Variants in XPO6 observed in about 807,000 individuals in gnomAD.
XPO6 encodes the protein exportin 6.
Under a neutral mutation model 130.0 loss-of-function variants are expected in XPO6, and 3 were observed. That is an observed-to-expected ratio of 0.02 (90% CI 0.01 to 0.06). The LOEUF (loss-of-function observed/expected upper bound fraction) is 0.06. Among genes scored for constraint, XPO6 ranks in the 10% least tolerant of loss-of-function variants. The pLI is 1.00. For missense variants in XPO6, 970 were observed against 1,393.0 expected (o/e 0.70, Z 4.83); for synonymous variants, 524 against 548.9 (o/e 0.95, Z 0.63).
chr16:28,123,187 A>G (rs980368592), intron 13 of XPO6, among the ~76,000 whole-genome samples: 8 of 152,072 alleles, frequency 5.3e-5, no homozygotes, highest in Non-Finnish European at 1.2e-4. Context: ...ACTGCAGCCT[A>G]GACTTCTGGG....
At chr16:28,169,601 TG>T in intron 5 of XPO6, 148 bp downstream of exon 5, 1 of 922,736 alleles carries the variant, frequency 1.1e-6, no homozygotes, top group Non-Finnish European at 1.6e-6. Context: ...TGCTAGACCC[TG>T]GGCTATAGGT....
chr16:28,135,266 A>G lies in XPO6; in HGVS notation c.1393T>C (p.Tyr465His). 2.5e-6 allele frequency: 4 copies of G among 1,614,038 alleles called. No individual in the cohort carries two copies. Among genetic ancestry groups the G allele is most frequent in the Non-Finnish European group, 3.4e-6 (4 of 1,179,942 alleles). Residue 465 changes from tyrosine to histidine, a missense_variant, in exon 10 of 24, where the codon TAC becomes CAC. By Grantham distance (83) the Tyr-to-His change is moderately conservative. This residue lies in a region of XPO6 where 936 missense variants were observed against 1,306.8 expected (regional missense o/e 0.72). Coordinates refer to ENST00000304658, the MANE Select transcript of XPO6 (RefSeq NM_015171.4). ...TEVLNRIQFR[Y>H]NQAQLEELDD... ...AACTCCTCCAGCTGGGCTTGGTTGT[A>G]TCTGAACTGGATTCGATTCAACACC... is the stretch of plus-strand genomic sequence containing the variant.
Position 28,127,926 on chromosome 16 carries a change from T to C in XPO6, c.1607-2078A>G, listed in dbSNP as rs1432946094. On this transcript the variant is annotated intron_variant, in intron 12 of 23. Transcript: ENST00000304658. ...GCAGTGCCCTGGCGCAGAAACAAGA[T>C]GGCAGCCCTGAAGAGGCTGTGGGTG... 2.0e-5 allele frequency among the ~76,000 whole-genome samples: 3 copies of C among 152,186 alleles called. No individual in the cohort carries two copies. In the South Asian group the frequency reaches 6.2e-4, roughly 31 times the overall value.
At chr16:28,139,512 A>G (rs1304278146) in intron 9 of XPO6, among the ~76,000 whole-genome samples, 1 of 152,196 alleles carries the variant, frequency 6.6e-6, no homozygotes, top group Admixed American at 6.5e-5. Flanking sequence ...AATCTAATAG[A>G]CTACTTCTTT....
intron 9 of XPO6, among the ~76,000 whole-genome samples, chr16:28,145,022 T>C (rs1389311679): frequency 6.6e-6 from 1 of 152,124 alleles, no homozygotes; most frequent in Non-Finnish European, 1.5e-5. Flanking sequence ...TGCAAAGAAG[T>C]AGGAGCTATA....
chr16:28,137,790 G>C (rs1013125291), intron 9 of XPO6, among the ~76,000 whole-genome samples: 1 of 152,076 alleles, frequency 6.6e-6, no homozygotes, highest in Non-Finnish European at 1.5e-5. Flanking sequence ...GTGATGCTGA[G>C]GTTTGAGGTA....
chr16:28,202,417 C>T (rs2043967996), intron 1 of XPO6, among the ~76,000 whole-genome samples: 6 of 152,124 alleles, frequency 3.9e-5, no homozygotes, highest in Admixed American at 3.3e-4. Flanking sequence ...CAGAGGGACG[C>T]AGAACCTGGA....
intron 1 of XPO6, among the ~76,000 whole-genome samples, chr16:28,188,347 T>C (rs1317945210): frequency 6.6e-6 from 1 of 152,184 alleles, no homozygotes; most frequent in East Asian, 1.9e-4. Flanking sequence ...GGGTCTCCTA[T>C]ATTCAGGTTC....
intron 6 of XPO6, among the ~76,000 whole-genome samples, chr16:28,160,360 C>T (rs1411276220): frequency 1.3e-5 from 2 of 151,230 alleles, no homozygotes; most frequent in African/African-American, 2.4e-5. Flanking sequence ...AAAACTTAGC[C>T]GGGCATGGCA....
rs1218421877 is a variant in XPO6 at position 28,156,286 on chromosome 16, G to A, written c.885C>T (p.Ser295=). ...CCTGACCCGAGACACAGTTCTGGCTGCTGCCGTTAACTGACGCCATCTTTC... is the reference window on the plus strand; with the variant it reads ...CCTGACCCGAGACACAGTTCTGGCTACTGCCGTTAACTGACGCCATCTTTC... The part of the protein sequence containing the change: ...RARKMASVNG[S]SQNCVSGQER... Residue 295 remains serine, a synonymous_variant, in exon 7 of 24, where the codon AGC becomes AGT. Transcript: ENST00000304658. 6.2e-7 allele frequency: 1 copy of A among 1,614,160 alleles called. No homozygotes were observed. Among genetic ancestry groups the A allele is most frequent in the African/African-American group, 1.3e-5 (1 of 75,022 alleles).
intron 1 of XPO6, among the ~76,000 whole-genome samples, chr16:28,187,772 GAA>G (rs2043718485): frequency 6.6e-6 from 1 of 150,832 alleles, no homozygotes; most frequent in Non-Finnish European, 1.5e-5. Context: ...AAAGGAACAA[GAA>G]AACTGTTGGT....
chr16:28,136,278 G>A (rs1194732986), intron 9 of XPO6, among the ~76,000 whole-genome samples: 1 of 152,102 alleles, frequency 6.6e-6, no homozygotes, highest in African/African-American at 2.4e-5. Context: ...GAAGTGCAAC[G>A]GCGCAATCTT....
intron 1 of XPO6, chr16:28,209,220 G>C (rs951776563): frequency 1.3e-5 from 2 of 152,178 alleles, no homozygotes; most frequent in Non-Finnish European, 2.9e-5. Flanking sequence ...AACCTTTGGA[G>C]ATATATGGTG....
At chr16:28,172,067 C>T (rs972755342) in intron 4 of XPO6, among the ~76,000 whole-genome samples, 48 of 152,118 alleles carry the variant, frequency 3.2e-4, no homozygotes, top group Admixed American at 3.0e-3. Context: ...AAATCCCCTA[C>T]GATATGGAAA....
intron 13 of XPO6, among the ~76,000 whole-genome samples, chr16:28,123,263 A>G (rs2087292001): frequency 6.6e-6 from 1 of 151,838 alleles, no homozygotes; most frequent in Non-Finnish European, 1.5e-5. Context: ...ATGCCACCAC[A>G]CCCAGCTAAA....
intron 2 of XPO6, among the ~76,000 whole-genome samples, chr16:28,178,749 T>TAAAAC (rs1247901326): frequency 8.0e-6 from 1 of 124,880 alleles, no homozygotes; most frequent in Non-Finnish European, 1.7e-5. Flanking sequence ...TCCTATCTCT[T>TAAAAC]AAAACAAAAC....
chr16:28,153,144 T>C (rs1454435997), intron 7 of XPO6: 2 of 1,015,120 alleles, frequency 2.0e-6, no homozygotes, highest in East Asian at 1.1e-4. Context: ...TCTAGAAGGC[T>C]GGTTTTCTTT....
At chr16:28,150,270 T>C (rs2043062545) in intron 8 of XPO6, among the ~76,000 whole-genome samples, 1 of 152,198 alleles carries the variant, frequency 6.6e-6, no homozygotes, top group South Asian at 2.1e-4. Context: ...ATCTGACGAT[T>C]CCAGGTACAG....
chr16:28,205,438 T>C (rs78060333), intron 1 of XPO6, among the ~76,000 whole-genome samples: 3,321 of 152,242 alleles, frequency 0.022, 105 homozygotes, highest in African/African-American at 0.075. Flanking sequence ...AAGACTCAAA[T>C]ATACCTTCCT....
Sources: gnomAD v4.1 joint callset for allele counts (sites outside exome capture counted in the v4.1 genomes callset) on GRCh38, gnomAD v4.1.1 for gene constraint, gnomAD v4.1.1 regional missense constraint, MANE v1.5 for transcripts, NCBI Gene and HGNC (gene_info 2026-07-23, HGNC 2026-07-21) for gene names.